Variants in POU1F1 observed in about 807,000 individuals in gnomAD.
POU1F1 encodes the protein pituitary-specific positive transcription factor 1.
POU1F1 carries 23 observed loss-of-function variants against 32.3 expected under a neutral mutation model. The ratio of observed to expected loss-of-function variants is 0.71; its 90% CI spans 0.51 to 1.01. POU1F1 has a LOEUF of 1.01. Among genes scored for constraint, POU1F1 ranks in the 50% least tolerant of loss-of-function variants. The pLI, the probability that POU1F1 is intolerant of heterozygous loss-of-function variation, is 0.00. For missense variants in POU1F1, 323 were observed against 341.6 expected (o/e 0.95, Z 0.43); for synonymous variants, 120 against 115.6 (o/e 1.04, Z -0.25).
intron 2 of POU1F1, among the ~76,000 whole-genome samples, chr3:87,269,008 T>G (rs1184032996): frequency 6.6e-6 from 1 of 151,948 alleles, no homozygotes; most frequent in Non-Finnish European, 1.5e-5. Flanking sequence ...CGTTACTGGC[T>G]TGATGCCTTA....
At chr3:87,265,362 A>T (rs1251766027) in intron 2 of POU1F1, among the ~76,000 whole-genome samples, 2 of 152,116 alleles carry the variant, frequency 1.3e-5, no homozygotes. Flanking sequence ...GATATGTTAA[A>T]TCACAAAAAA....
chr3:87,267,620 T>C (rs1202366574), intron 2 of POU1F1, among the ~76,000 whole-genome samples: 3 of 152,146 alleles, frequency 2.0e-5, no homozygotes, highest in African/African-American at 7.2e-5. Context: ...TTATTCTTTA[T>C]TTTTAGAGAT....
At chr3:87,272,645 T>G (rs545371361) in intron 2 of POU1F1, among the ~76,000 whole-genome samples, 2 of 152,180 alleles carry the variant, frequency 1.3e-5, no homozygotes, top group Non-Finnish European at 2.9e-5. Flanking sequence ...GTAGCCATAA[T>G]TGATACAGTC....
chr3:87,261,250 G>C (rs768261627), intron 5 of POU1F1, 23 bp downstream of exon 5: 32 of 1,499,448 alleles, frequency 2.1e-5, no homozygotes, highest in Admixed American at 1.3e-4. Context: ...TTGTCCTCTA[G>C]TAACTTTTAA....
At chr3:87,269,697 T>G in intron 2 of POU1F1, among the ~76,000 whole-genome samples, 1 of 152,290 alleles carries the variant, frequency 6.6e-6, no homozygotes, top group Non-Finnish European at 1.5e-5. Flanking sequence ...ATCTTTTCTT[T>G]TAATATCCAC....
At chr3:87,264,245 G>A (rs377498923) in intron 3 of POU1F1, 43 bp downstream of exon 3, 1 of 1,488,950 alleles carries the variant, frequency 6.7e-7, no homozygotes, top group African/African-American at 1.4e-5. Flanking sequence ...ATAAAGATTT[G>A]CAAACCAAGT....
chr3:87,271,902 T>A (rs773741125), intron 2 of POU1F1, among the ~76,000 whole-genome samples: 7 of 152,184 alleles, frequency 4.6e-5, no homozygotes, highest in Non-Finnish European at 7.4e-5. Flanking sequence ...GAATGTTGCT[T>A]GATAGAATGT....
chr3:87,268,259 T>A (rs988772994), intron 2 of POU1F1, among the ~76,000 whole-genome samples: 4 of 151,340 alleles, frequency 2.6e-5, no homozygotes, highest in South Asian at 2.1e-4. Flanking sequence ...TTATATTTTT[T>A]AATTTATTTT....
chr3:87,273,497 C>G, intron 1 of POU1F1, 79 bp from the exon 2 acceptor site: 1 of 1,593,972 alleles, frequency 6.3e-7, no homozygotes, highest in Non-Finnish European at 8.5e-7. Context: ...ATAGATGGGA[C>G]TGGTAAGAAA....
At chr3:87,267,377 A>G (rs972228903) in intron 2 of POU1F1, among the ~76,000 whole-genome samples, 1 of 152,170 alleles carries the variant, frequency 6.6e-6, no homozygotes, top group African/African-American at 2.4e-5. Flanking sequence ...TTAAACCAGA[A>G]CTAAAGTCTA....
chr3:87,266,201 T>G (rs1306503873), intron 2 of POU1F1, among the ~76,000 whole-genome samples: 1 of 147,724 alleles, frequency 6.8e-6, no homozygotes, highest in Non-Finnish European at 1.5e-5. Context: ...AAATATGTAA[T>G]CATAAATATG....
chr3:87,268,821 T>C (rs1706674422), intron 2 of POU1F1, among the ~76,000 whole-genome samples: 1 of 152,156 alleles, frequency 6.6e-6, no homozygotes, highest in African/African-American at 2.4e-5. Flanking sequence ...AGAGCCTTTC[T>C]AAATTGCTAT....
In POU1F1 at chr3:87,273,387, A is replaced by G; in HGVS notation, c.174T>C (p.Cys58=). The change falls in exon 2 of 6, where the codon TGT becomes TGC. Residue 58 remains cysteine (C), a synonymous_variant. Coordinates refer to ENST00000350375, the MANE Select transcript of POU1F1 (RefSeq NM_000306.4). ...AGGTTGATGGCTGGTTTCCATAATG[A>G]CAGGAAGGAACAGAATAATGAAGTC... is the stretch of plus-strand genomic sequence containing the variant. ...ATGLHYSVPS[C]HYGNQPSTYG... is the part of the protein sequence containing the mutation. 1 of 1,613,026 alleles carries G rather than the reference A, an allele frequency of 6.2e-7. No homozygotes were observed. The highest frequency in any genetic ancestry group is 8.5e-7 in the Non-Finnish European group (1 of 1,179,280).
At chr3:87,268,876 A>C (rs544607172) in intron 2 of POU1F1, among the ~76,000 whole-genome samples, 16 of 152,270 alleles carry the variant, frequency 1.1e-4, no homozygotes, top group Admixed American at 7.2e-4. Flanking sequence ...ACAGAGGTAA[A>C]TCTTTTAAAG....
At chr3:87,273,256 A>G (rs920575489) in intron 2 of POU1F1, 91 bp downstream of exon 2, 3 of 1,325,914 alleles carry the variant, frequency 2.3e-6, no homozygotes, top group South Asian at 1.3e-5. Flanking sequence ...ATCAAATTTC[A>G]TGTCACACTC....
At chr3:87,260,464 G>C (rs1283738809) in intron 5 of POU1F1, among the ~76,000 whole-genome samples, 1 of 152,134 alleles carries the variant, frequency 6.6e-6, no homozygotes, top group South Asian at 2.1e-4. Flanking sequence ...GGCTGTTTAC[G>C]ATAAAGGAAA....
chr3:87,276,274 G>A (rs751998104), intron 1 of POU1F1, 47 bp downstream of exon 1: 1 of 1,590,018 alleles, frequency 6.3e-7, no homozygotes, highest in Non-Finnish European at 8.6e-7. Flanking sequence ...CATTCATTCT[G>A]AAATATTTAG....
chr3:87,268,323 T>G (rs1220435479), intron 2 of POU1F1, among the ~76,000 whole-genome samples: 1 of 152,090 alleles, frequency 6.6e-6, no homozygotes, highest in Admixed American at 6.6e-5. Context: ...GCCAGGCTAT[T>G]CTCGGACTCC....
chr3:87,264,318 T>C lies in POU1F1; in HGVS notation c.409A>G (p.Asn137Asp), dbSNP rs773983156. Residue 137 changes from asparagine to aspartate, a missense_variant, in exon 3 of 6, where the codon AAT (asparagine) becomes GAT (aspartate). Coordinates refer to ENST00000350375, the MANE Select transcript of POU1F1 (RefSeq NM_000306.4). ...TTAATTCGTCTCACTTTAAATTCAT[T>C]GGCAAACTTTTCAAGTTCTCTGATT... ...PEIRELEKFA[N>D]EFKVRRIKLG... is the part of the protein sequence containing the mutation. The C allele has an allele frequency of 6.2e-6, 10 of 1,613,656 alleles. No homozygotes were observed. The East Asian group carries it at 1.8e-4, about 29-fold the overall frequency.
Sources: gnomAD v4.1 joint callset for allele counts (sites outside exome capture counted in the v4.1 genomes callset) on GRCh38, gnomAD v4.1.1 for gene constraint, MANE v1.5 for transcripts, NCBI Gene and HGNC (gene_info 2026-07-23, HGNC 2026-07-21) for gene names.